STK38L: variants seen among roughly 807,000 people sequenced by gnomAD.
STK38L encodes serine/threonine-protein kinase 38-like.
In STK38L, 28 loss-of-function variants were observed where a neutral mutation model predicts 59.7. The ratio of observed to expected loss-of-function variants is 0.47; its 90% CI spans 0.35 to 0.64. STK38L has a LOEUF of 0.64. Among genes scored for constraint, STK38L ranks in the 30% least tolerant of loss-of-function variants. The pLI is 0.01. For synonymous variants in STK38L, 162 were observed against 176.8 expected (o/e 0.92, Z 0.66); for missense variants, 314 against 555.8 (o/e 0.56, Z 4.37).
intron 1 of STK38L, among the ~76,000 whole-genome samples, chr12:27,254,034 G>A (rs923818791): frequency 6.6e-6 from 1 of 152,154 alleles, no homozygotes; most frequent in African/African-American, 2.4e-5. Context: ...AACAGAAAAA[G>A]TAAAGATACC....
intron 2 of STK38L, among the ~76,000 whole-genome samples, chr12:27,299,900 A>C (rs920027188): frequency 2.0e-5 from 3 of 152,184 alleles, no homozygotes; most frequent in Non-Finnish European, 4.4e-5. Context: ...AGAAATAAAA[A>C]TCTAAATATA....
At chr12:27,314,751 A>G (rs1944544141) in intron 7 of STK38L, 93 bp downstream of exon 7, 1 of 1,356,582 alleles carries the variant, frequency 7.4e-7, no homozygotes, top group Non-Finnish European at 1.0e-6. Context: ...ACTGCAATTT[A>G]GAATATTGCT....
intron 6 of STK38L, among the ~76,000 whole-genome samples, chr12:27,313,201 T>C (rs1283514883): frequency 7.0e-6 from 1 of 142,196 alleles, no homozygotes; most frequent in Non-Finnish European, 1.5e-5. Context: ...TGAGCCGAGA[T>C]AGCGCCACTG....
chr12:27,306,868 G>C (rs1944329895), intron 3 of STK38L, among the ~76,000 whole-genome samples: 2 of 151,956 alleles, frequency 1.3e-5, no homozygotes, highest in African/African-American at 4.8e-5. Context: ...AGCCTCCTGA[G>C]TACAGGTGCA....
At chr12:27,284,547 G>T (rs987553098) in intron 1 of STK38L, among the ~76,000 whole-genome samples, 5 of 152,214 alleles carry the variant, frequency 3.3e-5, no homozygotes, top group Non-Finnish European at 7.3e-5. Context: ...ACCTGTAGTA[G>T]AGTCTAGAAA....
In STK38L at chr12:27,324,527, T is replaced by C. The variant is rs1944798702; in HGVS notation, c.*2072T>C. The C allele has an allele frequency of 6.6e-6, 1 of 152,112 alleles. No homozygotes were observed. The highest frequency in any genetic ancestry group is 1.5e-5 in the Non-Finnish European group (1 of 67,950). The allele number at this position is 152,112 out of a possible 1,614,324, so 9.4% of individuals were successfully genotyped here. On this transcript the variant is annotated 3_prime_UTR_variant, in exon 14 of 14. Transcript: ENST00000389032. ...ATTGATAAAAAGAAACTGATTTACC[T>C]AAGTTTACTTTTTAATTGCATAATA...
intron 1 of STK38L, among the ~76,000 whole-genome samples, chr12:27,287,667 T>A (rs1218097891): frequency 6.6e-6 from 1 of 152,186 alleles, no homozygotes; most frequent in Non-Finnish European, 1.5e-5. Context: ...CCTCCTTCCT[T>A]CATTCTTTCC....
chr12:27,256,545 A>G (rs1943096046), intron 1 of STK38L, among the ~76,000 whole-genome samples: 1 of 152,196 alleles, frequency 6.6e-6, no homozygotes, highest in Non-Finnish European at 1.5e-5. Context: ...TACCTCTCCT[A>G]GGCTTTCTGA....
intron 10 of STK38L, 57 bp from the exon 11 acceptor site, chr12:27,317,839 T>C (rs1944624222): frequency 1.2e-6 from 2 of 1,604,972 alleles, no homozygotes; most frequent in South Asian, 2.2e-5. Flanking sequence ...GTTTGGTGGG[T>C]ATAAACTTCA....
chr12:27,298,633 T>A (rs1944088879), intron 2 of STK38L, among the ~76,000 whole-genome samples: 1 of 152,190 alleles, frequency 6.6e-6, no homozygotes, highest in Admixed American at 6.5e-5. Context: ...AGGGAGAATG[T>A]GCTTTTGTCT....
At chr12:27,254,808 G>A (rs1397500335) in intron 1 of STK38L, among the ~76,000 whole-genome samples, 2 of 151,974 alleles carry the variant, frequency 1.3e-5, no homozygotes, top group African/African-American at 4.8e-5. Context: ...GAGAGGGGGC[G>A]GGAGAAAAAG....
Position 27,297,713 on chromosome 12 carries a change from C to T in STK38L, c.-8C>T. On this transcript the variant is annotated 5_prime_UTR_variant, in exon 2 of 14. Coordinates refer to ENST00000389032, the MANE Select transcript of STK38L (RefSeq NM_015000.4). ...TTGTTTTTCTATGTTGTTTCAGTTT[C>T]CGTTACTATGGCAATGACGGCAGGG... The T allele has an allele frequency of 6.2e-7, 1 of 1,606,254 alleles. No individual in the cohort carries two copies. Among genetic ancestry groups the T allele is most frequent in the Non-Finnish European group, 8.5e-7 (1 of 1,176,436 alleles).
Position 27,322,595 on chromosome 12 carries a change from G to A in STK38L, c.*140G>A. On this transcript the variant is annotated 3_prime_UTR_variant, in exon 14 of 14. Transcript: ENST00000389032. ...TACAAGAGGAAATTCTACAGGATTA[G>A]GATTTCTAAGACTACTATAGGAATT... 2 of 1,210,414 alleles carry A rather than the reference G, an allele frequency of 1.7e-6. No individual in the cohort carries two copies. Among genetic ancestry groups the A allele is most frequent in the Non-Finnish European group, 2.2e-6 (2 of 904,334 alleles). The allele number at this position is 1,210,414 out of a possible 1,614,324, so 75.0% of individuals were successfully genotyped here.
At chr12:27,272,416 A>G (rs1406678610) in intron 1 of STK38L, among the ~76,000 whole-genome samples, 1 of 152,196 alleles carries the variant, frequency 6.6e-6, no homozygotes, top group East Asian at 1.9e-4. Flanking sequence ...CATGCGATTT[A>G]AATATTATGC....
At chr12:27,311,540 G>T (rs1944453000) in intron 5 of STK38L, among the ~76,000 whole-genome samples, 1 of 149,862 alleles carries the variant, frequency 6.7e-6, no homozygotes, top group Non-Finnish European at 1.5e-5. Flanking sequence ...TAATGCAAAA[G>T]CATCTGCAAA....
chr12:27,286,242 T>C lies in STK38L; in HGVS notation c.-11-11468T>C, dbSNP rs190068029. 6.6e-5 allele frequency among the ~76,000 whole-genome samples: 10 copies of C among 152,258 alleles called. 1 individual carries two copies. In the East Asian group the frequency reaches 1.9e-3, roughly 29 times the overall value. ...TAAGTGCTGAAAAGTGCAACTTGAT[T>C]CCCCTTTACCCCTGCCCCCAAACAT... is the stretch of plus-strand genomic sequence containing the variant. On this transcript the variant is annotated intron_variant, in intron 1 of 13. Coordinates refer to ENST00000389032, the MANE Select transcript of STK38L (RefSeq NM_015000.4).
At chr12:27,281,405 T>C (rs969122391) in intron 1 of STK38L, among the ~76,000 whole-genome samples, 1 of 152,132 alleles carries the variant, frequency 6.6e-6, no homozygotes, top group Non-Finnish European at 1.5e-5. Flanking sequence ...TTTGTTTAAC[T>C]GACTCTGGTT....
intron 2 of STK38L, among the ~76,000 whole-genome samples, chr12:27,299,083 A>T (rs1468798689): frequency 6.6e-6 from 1 of 152,116 alleles, no homozygotes; most frequent in Non-Finnish European, 1.5e-5. Flanking sequence ...AGAACTGACA[A>T]GTAAGAAAGA....
intron 1 of STK38L, among the ~76,000 whole-genome samples, chr12:27,281,915 A>C (rs1444658628): frequency 6.6e-6 from 1 of 152,118 alleles, no homozygotes; most frequent in East Asian, 1.9e-4. Context: ...GGGCACCTGT[A>C]ATCCCAGCTA....
Sources: allele counts gnomAD v4.1 joint callset (sites outside exome capture counted in the v4.1 genomes callset), GRCh38; gene constraint gnomAD v4.1.1; transcripts MANE v1.5; gene names NCBI Gene and HGNC (gene_info 2026-07-23, HGNC 2026-07-21).